INTS2: variants seen among roughly 807,000 people sequenced by gnomAD.
INTS2 encodes integrator complex subunit 2, also known as KIAA1287.
Under a neutral mutation model 139.6 loss-of-function variants are expected in INTS2, and 57 were observed. The ratio of observed to expected loss-of-function variants is 0.41; its 90% CI spans 0.33 to 0.51. INTS2 has a LOEUF of 0.51. Ranked by LOEUF, INTS2 falls within the 20% of genes least tolerant of loss-of-function variation. The pLI, the probability that INTS2 is intolerant of heterozygous loss-of-function variation, is 0.28. For missense variants in INTS2, 1,196 were observed against 1,436.7 expected, an observed-to-expected ratio of 0.83 and a Z score of 2.71; for synonymous variants, 473 against 493.4, an observed-to-expected ratio of 0.96 and a Z score of 0.55.
At chr17:61,908,507 C>T (rs187225509) in intron 7 of INTS2, among the ~76,000 whole-genome samples, 23 of 152,306 alleles carry the variant, frequency 1.5e-4, no homozygotes, top group Admixed American at 3.3e-4. Flanking sequence ...CACAGTCGAA[C>T]ATTGTGCCTA....
At chr17:61,889,737 G>T in intron 15 of INTS2, 49 bp downstream of exon 15, 1 of 869,946 alleles carries the variant, frequency 1.1e-6, no homozygotes, top group African/African-American at 1.7e-5. Context: ...CAAAATACAA[G>T]CTAATAAAAT....
At chr17:61,917,790 T>A (rs2079598366) in intron 5 of INTS2, among the ~76,000 whole-genome samples, 1 of 151,498 alleles carries the variant, frequency 6.6e-6, no homozygotes. Flanking sequence ...AAACTTCGAA[T>A]TTTTTTAAAA....
Position 61,908,290 on chromosome 17 carries a change from C to G in INTS2, c.955-656G>C, listed in dbSNP as rs182151580. 4.4e-3 allele frequency among the ~76,000 whole-genome samples: 671 copies of G among 152,250 alleles called. 2 individuals carry two copies. The highest frequency in any genetic ancestry group is 0.01 in the Middle Eastern group (3 of 294). ...ATTAGCTGGGTGTGGTGGTGCATGCCTGTAATCCCAGCTACTTGGGAGGCT... is the reference window on the plus strand; with the variant it reads ...ATTAGCTGGGTGTGGTGGTGCATGCGTGTAATCCCAGCTACTTGGGAGGCT... On this transcript the variant is annotated intron_variant, in intron 7 of 24. Coordinates refer to ENST00000251334, the MANE Select transcript of INTS2 (RefSeq NM_001351695.2).
intron 15 of INTS2, among the ~76,000 whole-genome samples, chr17:61,885,604 G>C (rs1386816232): frequency 6.6e-6 from 1 of 151,720 alleles, no homozygotes; most frequent in African/African-American, 2.4e-5. Flanking sequence ...ATTTTTAGTA[G>C]AGACAGCATT....
chr17:61,905,083 C>A (rs995597261), intron 8 of INTS2, among the ~76,000 whole-genome samples: 4 of 151,498 alleles, frequency 2.6e-5, no homozygotes, highest in Admixed American at 6.6e-5. Flanking sequence ...GTAGCTAGGA[C>A]CACAGGTATG....
chr17:61,898,931 G>A (rs531196880), intron 9 of INTS2, among the ~76,000 whole-genome samples: 1 of 152,274 alleles, frequency 6.6e-6, no homozygotes, highest in South Asian at 2.1e-4. Flanking sequence ...TAATTGAAAA[G>A]TACAAGCTGA....
At chr17:61,890,888 G>A (rs1411327110) in intron 14 of INTS2, among the ~76,000 whole-genome samples, 13 of 139,828 alleles carry the variant, frequency 9.3e-5, no homozygotes, top group African/African-American at 3.5e-4. Flanking sequence ...GGAGGCTGAA[G>A]CAGGAGAATC....
chr17:61,899,805 G>A (rs116207144), intron 9 of INTS2, among the ~76,000 whole-genome samples: 251 of 151,796 alleles, frequency 1.7e-3, no homozygotes, highest in Middle Eastern at 6.8e-3. Context: ...CCAGCTACAC[G>A]GGAGGCTAAG....
At chr17:61,898,079 T>TA (rs2079367416) in intron 9 of INTS2, among the ~76,000 whole-genome samples, 1 of 152,208 alleles carries the variant, frequency 6.6e-6, no homozygotes, top group Non-Finnish European at 1.5e-5. Flanking sequence ...ACAGCTGATA[T>TA]TTATTTCATA....
intron 12 of INTS2, among the ~76,000 whole-genome samples, chr17:61,894,628 G>A (rs1177332811): frequency 6.6e-6 from 1 of 152,098 alleles, no homozygotes; most frequent in Non-Finnish European, 1.5e-5. Context: ...GAGGTGGGTG[G>A]ATCACCTGAG....
intron 3 of INTS2, among the ~76,000 whole-genome samples, chr17:61,924,113 T>C (rs1256835792): frequency 6.6e-6 from 1 of 152,218 alleles, no homozygotes; most frequent in African/African-American, 2.4e-5. Context: ...ACTTTGGTCA[T>C]TTAGTGATTG....
chr17:61,911,626 C>T lies in INTS2; in HGVS notation c.848G>A (p.Cys283Tyr), dbSNP rs753349021. The T allele has an allele frequency of 1.1e-5, 17 of 1,613,828 alleles. No individual in the cohort carries two copies. The South Asian group carries it at 1.9e-4, about 18-fold the overall frequency. Residue 283 changes from cysteine to tyrosine, a missense_variant, in exon 7 of 25, where the codon TGT becomes TAT. Cys to Tyr is a radical substitution (Grantham distance 194). This residue lies in a region of INTS2 where 1,129 missense variants were observed against 1,341.9 expected (regional missense o/e 0.84). Coordinates refer to ENST00000251334, the MANE Select transcript of INTS2 (RefSeq NM_001351695.2). ...AACCAAGTCACTCACTCCATCCTCA[C>T]AAGCTTCATTTTTAGTATGATCCAA... is the stretch of plus-strand genomic sequence containing the variant. ...LTLDHTKNEA[C>Y]EDGVSDLVCF...
rs534940114 is a variant in INTS2, at chr17:61,901,851, G to T, written c.1307+2609C>A. Among the ~76,000 whole-genome samples the T allele has an allele frequency of 2.0e-5, 3 of 152,120 alleles. No homozygotes were observed. In the South Asian group the frequency reaches 6.2e-4, roughly 32 times the overall value. Reference sequence around the variant, plus strand: ...GACCTCAGGTGATCCACCTGCCTCAGCCTCCCAAAGTGCTGGGATTACAGG... The same window carrying T: ...GACCTCAGGTGATCCACCTGCCTCATCCTCCCAAAGTGCTGGGATTACAGG... On this transcript the variant is annotated intron_variant, in intron 9 of 24. Transcript: ENST00000251334.
At chr17:61,884,328 T>C (rs2079205609) in intron 16 of INTS2, among the ~76,000 whole-genome samples, 1 of 152,060 alleles carries the variant, frequency 6.6e-6, no homozygotes, top group African/African-American at 2.4e-5. Context: ...CTGTCTCTAC[T>C]AAAAATACAT....
intron 13 of INTS2, among the ~76,000 whole-genome samples, chr17:61,892,953 CAAAAA>C (rs58426330): frequency 4.5e-5 from 2 of 44,150 alleles, no homozygotes; most frequent in East Asian, 7.7e-4. Context: ...GACTCCATCT[CAAAAA>C]AAAAAAAAAA....
chr17:61,869,716 C>T lies in INTS2; in HGVS notation c.3030+21G>A, dbSNP rs2145898208. Reference sequence around the variant, plus strand: ...AGAAAAATAAAGTTCAAACACAAAGCATCATTCTTTGGAAACAGACCTGAA... The same window carrying T: ...AGAAAAATAAAGTTCAAACACAAAGTATCATTCTTTGGAAACAGACCTGAA... On this transcript the variant is annotated intron_variant, in intron 21 of 24. Coordinates refer to ENST00000251334, the MANE Select transcript of INTS2 (RefSeq NM_001351695.2). The surrounding 1 kb of genome is among the most constrained non-coding windows in gnomAD (Gnocchi z 5.4). 6 of 1,608,816 alleles carry T rather than the reference C, an allele frequency of 3.7e-6. No individual in the cohort carries two copies. The highest frequency in any genetic ancestry group is 1.7e-4 in the Middle Eastern group (1 of 6,040).
chr17:61,903,246 G>A (rs1247506463), intron 9 of INTS2, among the ~76,000 whole-genome samples: 1 of 149,230 alleles, frequency 6.7e-6, no homozygotes, highest in African/African-American at 2.5e-5. Context: ...ACAAAGACAG[G>A]AGTCGCACTA....
rs746243115 is a variant in INTS2 at position 61,926,629 on chromosome 17, T to C, written c.16A>G (p.Ser6Gly). The change falls in exon 2 of 25, where the codon AGT becomes GGT. Residue 6 changes from serine (S) to glycine (G), a missense_variant. By Grantham distance (56) the Ser-to-Gly change is moderately conservative (BLOSUM62 0). Coordinates refer to ENST00000251334, the MANE Select transcript of INTS2 (RefSeq NM_001351695.2). ...GCAAAAGGGCTGACAAACTGAAGACTTGTACATTCAGTCATTATTACTGTT... is the reference window on the plus strand; with the variant it reads ...GCAAAAGGGCTGACAAACTGAAGACCTGTACATTCAGTCATTATTACTGTT... MTECT[S>G]LQFVSPFAFE... 3 of 1,609,788 alleles carry C rather than the reference T, an allele frequency of 1.9e-6. No homozygotes were observed. The highest frequency in any genetic ancestry group is 1.3e-5 in the African/African-American group (1 of 74,862).
rs1258825090 is a variant in INTS2 at position 61,865,422 on chromosome 17, C to T, written c.*2135G>A. The T allele has an allele frequency of 1.3e-5, 2 of 152,608 alleles. No individual in the cohort carries two copies. The highest frequency in any genetic ancestry group is 2.9e-5 in the Non-Finnish European group (2 of 68,046). 9.5% of individuals were successfully genotyped at this position (152,608 alleles called of 1,614,324 possible). Reference sequence around the variant, plus strand: ...AACCAATATTCAAAATAGCTGCACACATCTGTTTTCACTTGAATAAAAAAA... The same window carrying T: ...AACCAATATTCAAAATAGCTGCACATATCTGTTTTCACTTGAATAAAAAAA... On this transcript the variant is annotated 3_prime_UTR_variant, in exon 25 of 25. Transcript: ENST00000251334. The surrounding 1 kb of genome is among the most constrained non-coding windows in gnomAD (Gnocchi z 4.8).
Sources: gnomAD v4.1 joint callset for allele counts (sites outside exome capture counted in the v4.1 genomes callset) on GRCh38, gnomAD v4.1.1 for gene constraint, gnomAD v4.1.1 regional missense constraint, Gnocchi (gnomAD v3.1) non-coding constraint, MANE v1.5 for transcripts, NCBI Gene and HGNC (gene_info 2026-07-23, HGNC 2026-07-21) for gene names.